Variants in TMC1 observed in about 807,000 individuals in gnomAD.
TMC1 encodes transmembrane channel like 1.
A neutral mutation model predicts 105.8 loss-of-function variants in TMC1; 84 were observed. The observed-to-expected ratio is 0.79, with a 90% CI of 0.67 to 0.95. The LOEUF (loss-of-function observed/expected upper bound fraction) is 0.95, where lower values mean the gene tolerates loss of function less well. Ranked by LOEUF, TMC1 falls within the 40% of genes least tolerant of loss-of-function variation. The pLI, the probability that TMC1 is intolerant of heterozygous loss-of-function variation, is 0.00. For synonymous variants in TMC1, 315 were observed against 311.5 expected (o/e 1.01, Z -0.12); for missense variants, 817 against 914.1 (o/e 0.89, Z 1.37).
At chr9:72,623,317 A>T (rs981349322) in intron 3 of TMC1, among the ~76,000 whole-genome samples, 1 of 152,086 alleles carries the variant, frequency 6.6e-6, no homozygotes, top group African/African-American at 2.4e-5. Context: ...GGGTTTAGAC[A>T]TGTTCTTTCT....
At position 72,827,549 on chromosome 9, in the gene TMC1, T is replaced by G. The variant is rs185257735; in HGVS notation, c.2129+555T>G. ...AGAGGACCAGAGGATCTTGGGAAGT[T>G]CCTGTAGTCTGTCCCTTCAAAGTCA... On this transcript the variant is annotated intron_variant, in intron 21 of 23. Coordinates refer to ENST00000297784, the MANE Select transcript of TMC1 (RefSeq NM_138691.3). Among the ~76,000 whole-genome samples, 234 of 152,358 alleles carry G rather than the reference T, an allele frequency of 1.5e-3. 1 individual carries two copies. Among genetic ancestry groups the G allele is most frequent in the African/African-American group, 5.3e-3 (219 of 41,572 alleles).
chr9:72,617,908 GGTGTGTGTGTGTGTGTGTGTGTGTGTGT>G (rs58657161), intron 3 of TMC1, among the ~76,000 whole-genome samples: 53 of 144,418 alleles, frequency 3.7e-4, no homozygotes, highest in African/African-American at 1.3e-3. Context: ...GTCTATGTGT[GGTGTGTGTGTGTGTGTGTGTGTGTGTGT>G]GTGTGTGTGT....
intron 2 of TMC1, among the ~76,000 whole-genome samples, chr9:72,593,895 T>C (rs1824678760): frequency 6.6e-6 from 1 of 152,136 alleles, no homozygotes. Flanking sequence ...CCTTTGTTGC[T>C]CTTCCATCAA....
At chr9:72,682,928 C>A (rs1008214181) in intron 5 of TMC1, among the ~76,000 whole-genome samples, 1 of 152,084 alleles carries the variant, frequency 6.6e-6, no homozygotes, top group Non-Finnish European at 1.5e-5. Flanking sequence ...GAAGGAGGTA[C>A]CTCCTACATG....
At chr9:72,613,180 G>A (rs1345862506) in intron 2 of TMC1, among the ~76,000 whole-genome samples, 1 of 149,400 alleles carries the variant, frequency 6.7e-6, no homozygotes, top group Non-Finnish European at 1.5e-5. Flanking sequence ...TTCCGAGGCT[G>A]GAGTGCAATG....
chr9:72,827,841 A>T (rs1828980863), intron 21 of TMC1, among the ~76,000 whole-genome samples: 1 of 152,206 alleles, frequency 6.6e-6, no homozygotes, highest in African/African-American at 2.4e-5. Flanking sequence ...GATGCAAAGG[A>T]TTTGGTTCAT....
chr9:72,660,531 T>A (rs1001280405), intron 5 of TMC1, among the ~76,000 whole-genome samples: 1 of 152,322 alleles, frequency 6.6e-6, no homozygotes, highest in South Asian at 2.1e-4. Flanking sequence ...TGCACAAAAA[T>A]TTTTTCAGAG....
In TMC1 at chr9:72,740,011, A is replaced by G. The variant is rs573937261; in HGVS notation, c.363-108A>G. 10 of 826,562 alleles carry G rather than the reference A, an allele frequency of 1.2e-5. 1 individual carries two copies. In the South Asian group the frequency reaches 1.5e-4, roughly 13 times the overall value. 51.2% of individuals were successfully genotyped at this position (826,562 alleles called of 1,614,324 possible). On this transcript the variant is annotated intron_variant, in intron 8 of 23. Coordinates refer to ENST00000297784, the MANE Select transcript of TMC1 (RefSeq NM_138691.3). The stretch of plus-strand genomic sequence containing the variant: ...GTCTAGGTTCACCTGTGAAGGATCT[A>G]GAAGAAATAAGACTGCAGACCTGGT...
chr9:72,602,410 T>C (rs149482057), intron 2 of TMC1, among the ~76,000 whole-genome samples: 302 of 146,860 alleles, frequency 2.1e-3, no homozygotes, highest in Admixed American at 5.4e-3. Context: ...GGTCTTGCTC[T>C]GTCACCCAGG....
intron 1 of TMC1, among the ~76,000 whole-genome samples, chr9:72,527,476 C>G (rs1389754239): frequency 2.0e-5 from 3 of 152,146 alleles, no homozygotes; most frequent in Non-Finnish European, 4.4e-5. Context: ...TGGTTTTGCT[C>G]TGCTGATTTG....
intron 6 of TMC1, among the ~76,000 whole-genome samples, 158 bp downstream of exon 6, chr9:72,688,914 A>T (rs146169813): frequency 4.6e-4 from 70 of 152,188 alleles, no homozygotes; most frequent in African/African-American, 1.6e-3. Flanking sequence ...AGCAAACAGA[A>T]TCCCCACTCT....
intron 18 of TMC1, among the ~76,000 whole-genome samples, chr9:72,815,306 A>T (rs1228274967): frequency 6.6e-6 from 1 of 152,138 alleles, no homozygotes. Flanking sequence ...CTGTACAAAA[A>T]ACAGCCTAGT....
intron 5 of TMC1, among the ~76,000 whole-genome samples, chr9:72,678,105 T>A (rs2132174220): frequency 6.6e-6 from 1 of 152,260 alleles, no homozygotes; most frequent in African/African-American, 2.4e-5. Flanking sequence ...AATTTTGCAA[T>A]CAATGTAACT....
chr9:72,631,050 TAG>T (rs1347215227), intron 4 of TMC1, among the ~76,000 whole-genome samples: 1 of 152,052 alleles, frequency 6.6e-6, no homozygotes, highest in Non-Finnish European at 1.5e-5. Flanking sequence ...GTATTTTTGG[TAG>T]AGACAGGGTT....
At chr9:72,651,407 TCCATG>T (rs1825812957) in intron 5 of TMC1, 1 of 152,022 alleles carries the variant, frequency 6.6e-6, no homozygotes, top group South Asian at 2.1e-4. Context: ...GATCCCACAC[TCCATG>T]GTGTGATGTT....
At chr9:72,548,911 C>A (rs1288974917) in intron 1 of TMC1, among the ~76,000 whole-genome samples, 1 of 152,216 alleles carries the variant, frequency 6.6e-6, no homozygotes, top group Non-Finnish European at 1.5e-5. Context: ...GCTCTGGGTA[C>A]ACACATGCCC....
chr9:72,710,441 G>C (rs528369291), intron 8 of TMC1, among the ~76,000 whole-genome samples: 189 of 152,262 alleles, frequency 1.2e-3, no homozygotes, highest in African/African-American at 4.3e-3. Context: ...TGTCAGTGGA[G>C]TATTGAAGTC....
intron 5 of TMC1, among the ~76,000 whole-genome samples, chr9:72,679,928 G>A (rs1826260690): frequency 6.6e-6 from 1 of 152,060 alleles, no homozygotes; most frequent in Non-Finnish European, 1.5e-5. Context: ...AACCATTTGG[G>A]ATTCCTGGGT....
At chr9:72,553,237 T>G (rs551806620) in intron 1 of TMC1, among the ~76,000 whole-genome samples, 19 of 152,284 alleles carry the variant, frequency 1.2e-4, no homozygotes, top group Non-Finnish European at 2.5e-4. Context: ...CTTCACAAAG[T>G]GCTGGGATTA....
Sources: allele counts gnomAD v4.1 joint callset (sites outside exome capture counted in the v4.1 genomes callset), GRCh38; gene constraint gnomAD v4.1.1; transcripts MANE v1.5; gene names NCBI Gene and HGNC (gene_info 2026-07-23, HGNC 2026-07-21).